EPB41L2: variants seen among roughly 807,000 people sequenced by gnomAD.
EPB41L2 encodes band 4.1-like protein 2.
Under a neutral mutation model 113.0 loss-of-function variants are expected in EPB41L2, and 43 were observed. The ratio of observed to expected loss-of-function variants is 0.38; its 90% CI spans 0.30 to 0.49. The LOEUF (loss-of-function observed/expected upper bound fraction) is 0.49. Among genes scored for constraint, EPB41L2 ranks in the 20% least tolerant of loss-of-function variants. The probability of loss-of-function intolerance (pLI) is 0.95; values close to 1 mark genes in which losing one functional copy is unlikely to be tolerated. For synonymous variants in EPB41L2, 442 were observed against 436.7 expected (o/e 1.01, Z -0.15); for missense variants, 1,147 against 1,223.4 (o/e 0.94, Z 0.93).
At chr6:131,029,377 C>T (rs1939775568) in intron 1 of EPB41L2, among the ~76,000 whole-genome samples, 1 of 137,228 alleles carries the variant, frequency 7.3e-6, no homozygotes, top group African/African-American at 2.8e-5. Context: ...ACCCACCCTA[C>T]TTCAGCATTT....
chr6:130,944,162 T>C (rs200996659), intron 3 of EPB41L2, among the ~76,000 whole-genome samples: 3,208 of 132,904 alleles, frequency 0.024, 140 homozygotes, highest in African/African-American at 0.083. Flanking sequence ...TATACGTACA[T>C]ACACACACAT....
chr6:130,916,063 G>A (rs1001162371), intron 4 of EPB41L2, among the ~76,000 whole-genome samples: 2 of 152,172 alleles, frequency 1.3e-5, no homozygotes, highest in African/African-American at 2.4e-5. Flanking sequence ...TTGTAGCCCT[G>A]TGTACTTTTA....
chr6:131,047,650 G>A (rs1226463728), intron 1 of EPB41L2, among the ~76,000 whole-genome samples: 1 of 152,156 alleles, frequency 6.6e-6, no homozygotes, highest in Non-Finnish European at 1.5e-5. Context: ...AATGTTTAAG[G>A]CATGTACCTT....
Position 131,010,679 on chromosome 6 carries a change from C to A in EPB41L2, c.-15+52476G>T, listed in dbSNP as rs1037509654. 3.3e-5 allele frequency among the ~76,000 whole-genome samples: 5 copies of A among 152,146 alleles called. No homozygotes were observed. In the South Asian group the frequency reaches 6.2e-4, roughly 19 times the overall value. On this transcript the variant is annotated intron_variant, in intron 1 of 19. Transcript: ENST00000337057. The stretch of plus-strand genomic sequence containing the variant: ...CCTCCCACCTCAGCCTCCCAATGTG[C>A]TGGAATTACAGGCGTGAGCCACTGC...
At chr6:130,988,862 G>A (rs1781167863) in intron 1 of EPB41L2, among the ~76,000 whole-genome samples, 1 of 152,228 alleles carries the variant, frequency 6.6e-6, no homozygotes, top group South Asian at 2.1e-4. Flanking sequence ...GCCGAGGCAG[G>A]CGGATCACCT....
chr6:130,888,255 G>C (rs989698207), intron 11 of EPB41L2, among the ~76,000 whole-genome samples: 1 of 152,120 alleles, frequency 6.6e-6, no homozygotes, highest in African/African-American at 2.4e-5. Context: ...CTGGCTGTCT[G>C]GTCATGTATT....
In EPB41L2 at chr6:131,021,342, C is replaced by T. The variant is rs183828610; in HGVS notation, c.-15+41813G>A. On this transcript the variant is annotated intron_variant, in intron 1 of 19. Coordinates refer to ENST00000337057, the MANE Select transcript of EPB41L2 (RefSeq NM_001431.4). The stretch of plus-strand genomic sequence containing the variant: ...ACCCACATAAACTTAAAGAACTGCA[C>T]ACCACTACCCTCTGAACAAAATGCT... Among the ~76,000 whole-genome samples, 14 of 152,262 alleles carry T rather than the reference C, an allele frequency of 9.2e-5. No homozygotes were observed. The East Asian group carries it at 2.1e-3, about 23-fold the overall frequency.
At chr6:130,851,090 G>A (rs974248974) in intron 19 of EPB41L2, among the ~76,000 whole-genome samples, 2 of 152,132 alleles carry the variant, frequency 1.3e-5, no homozygotes, top group African/African-American at 4.8e-5. Flanking sequence ...AACACAACTA[G>A]GCAAACAGAA....
intron 14 of EPB41L2, among the ~76,000 whole-genome samples, chr6:130,871,703 T>C (rs1394595603): frequency 6.6e-6 from 1 of 152,214 alleles, no homozygotes; most frequent in Non-Finnish European, 1.5e-5. Flanking sequence ...CAGCTATCTT[T>C]CCAGTTTTAT....
chr6:131,056,186 G>T (rs1048274595), intron 1 of EPB41L2, among the ~76,000 whole-genome samples: 2 of 152,132 alleles, frequency 1.3e-5, no homozygotes, highest in Admixed American at 6.5e-5. Flanking sequence ...ATTTATAAAG[G>T]TTACATTTTA....
At chr6:130,966,845 G>A (rs972536971) in intron 1 of EPB41L2, among the ~76,000 whole-genome samples, 2 of 152,002 alleles carry the variant, frequency 1.3e-5, no homozygotes, top group Non-Finnish European at 2.9e-5. Context: ...AATGAACATC[G>A]ACTCCAGCTC....
intron 5 of EPB41L2, among the ~76,000 whole-genome samples, chr6:130,906,071 C>T (rs576017250): frequency 1.3e-5 from 2 of 152,288 alleles, no homozygotes; most frequent in African/African-American, 2.4e-5. Context: ...GCCTATAGCG[C>T]CATGATGACT....
At chr6:131,033,914 T>A (rs1021401948) in intron 1 of EPB41L2, among the ~76,000 whole-genome samples, 21 of 152,216 alleles carry the variant, frequency 1.4e-4, no homozygotes, top group Non-Finnish European at 2.8e-4. Context: ...AGCTGCACAT[T>A]TACAAATGGT....
chr6:130,862,468 C>T (rs1414183285), intron 18 of EPB41L2, among the ~76,000 whole-genome samples: 1 of 152,166 alleles, frequency 6.6e-6, no homozygotes, highest in African/African-American at 2.4e-5. Context: ...AGGCGAAACT[C>T]AAGACTGTTC....
intron 1 of EPB41L2, among the ~76,000 whole-genome samples, chr6:131,019,446 C>A (rs576775225): frequency 1.3e-5 from 2 of 152,230 alleles, no homozygotes; most frequent in East Asian, 3.9e-4. Flanking sequence ...ATTTCAACAA[C>A]TATATAAATG....
chr6:130,970,211 A>G (rs1255404638), intron 1 of EPB41L2: 4 of 152,164 alleles, frequency 2.6e-5, no homozygotes, highest in Non-Finnish European at 5.9e-5. Context: ...GCAGAAACAA[A>G]CAAGCATGTA....
chr6:131,014,620 G>GC (rs1179754446), intron 1 of EPB41L2, among the ~76,000 whole-genome samples: 1 of 152,106 alleles, frequency 6.6e-6, no homozygotes, highest in Non-Finnish European at 1.5e-5. Flanking sequence ...AAAATGACTT[G>GC]CAACTGCAAA....
At chr6:130,874,266 T>TC (rs1283544687) in intron 14 of EPB41L2, among the ~76,000 whole-genome samples, 2 of 151,884 alleles carry the variant, frequency 1.3e-5, no homozygotes, top group Non-Finnish European at 2.9e-5. Context: ...AATGTATTTT[T>TC]TTTTTTTAAA....
chr6:130,908,002 A>C (rs909704687), intron 5 of EPB41L2, among the ~76,000 whole-genome samples: 1 of 152,308 alleles, frequency 6.6e-6, no homozygotes, highest in Middle Eastern at 3.4e-3. Flanking sequence ...CGAAAATTCC[A>C]ACTGCCTGTA....
Sources: allele counts gnomAD v4.1 joint callset (sites outside exome capture counted in the v4.1 genomes callset), GRCh38; gene constraint gnomAD v4.1.1; transcripts MANE v1.5; gene names NCBI Gene and HGNC (gene_info 2026-07-23, HGNC 2026-07-21).